The following INSIG2 variants were observed in gnomAD, a reference collection of about 807,000 sequenced individuals.
INSIG2 encodes insulin-induced gene 2 protein.
INSIG2 carries 10 observed loss-of-function variants against 27.2 expected under a neutral mutation model. The ratio of observed to expected loss-of-function variants is 0.37; its 90% CI spans 0.23 to 0.62. The LOEUF (loss-of-function observed/expected upper bound fraction) is 0.62, where lower values mean the gene tolerates loss of function less well. Among genes scored for constraint, INSIG2 ranks in the 20% least tolerant of loss-of-function variants. The pLI, the probability that INSIG2 is intolerant of heterozygous loss-of-function variation, is 0.65. For synonymous variants in INSIG2, 97 were observed against 95.8 expected, an observed-to-expected ratio of 1.01 and a Z score of -0.07; for missense variants, 178 against 270.2, an observed-to-expected ratio of 0.66 and a Z score of 2.39.
rs1254277592 is a variant in INSIG2 at position 118,108,348 on chromosome 2, A to C, written c.*26A>C. On this transcript the variant is annotated 3_prime_UTR_variant, in exon 6 of 6. Transcript: ENST00000245787. ...AGAAGGCAAAAAATATCTTTTGTAC[A>C]GAAAAGCAAGATGAAAAGGATGTGA... 6 of 1,557,868 alleles carry C rather than the reference A, an allele frequency of 3.9e-6. No individual in the cohort carries two copies. Among genetic ancestry groups the C allele is most frequent in the Admixed American group, 3.6e-5 (2 of 56,182 alleles).
intron 3 of INSIG2, among the ~76,000 whole-genome samples, chr2:118,104,944 T>TA (rs1371640022): frequency 1.3e-4 from 20 of 152,258 alleles, no homozygotes; most frequent in African/African-American, 4.8e-4. Flanking sequence ...CAATCTTAGA[T>TA]ATCCTGTTGT....
intron 2 of INSIG2, among the ~76,000 whole-genome samples, chr2:118,097,130 C>T (rs1354643669): frequency 6.6e-6 from 1 of 151,462 alleles, no homozygotes; most frequent in African/African-American, 2.4e-5. Flanking sequence ...TTCTAGAATG[C>T]AATATAAATG....
chr2:118,105,671 G>A lies in INSIG2; in HGVS notation c.370-1066G>A, dbSNP rs547123972. Among the ~76,000 whole-genome samples the A allele has an allele frequency of 5.9e-5, 9 of 152,308 alleles. No homozygotes were observed. The South Asian group carries it at 1.5e-3, about 25-fold the overall frequency. On this transcript the variant is annotated intron_variant, in intron 3 of 5. Transcript: ENST00000245787. ...AGATTCTGAGAAATAAGCAAGCTGG[G>A]TGTTTAGGATACTTGCTTGGTAGGG...
chr2:118,101,461 T>C (rs1678542767), intron 2 of INSIG2, among the ~76,000 whole-genome samples: 2 of 152,210 alleles, frequency 1.3e-5, no homozygotes, highest in African/African-American at 4.8e-5. Context: ...TACATGTCAG[T>C]ATTCTCTATG....
At chr2:118,092,066 T>G (rs1225645824) in intron 1 of INSIG2, among the ~76,000 whole-genome samples, 1 of 152,208 alleles carries the variant, frequency 6.6e-6, no homozygotes, top group Admixed American at 6.5e-5. Flanking sequence ...ATGACTGAAA[T>G]AGCTTTTTTA....
At chr2:118,092,769 G>T (rs1678285106) in intron 1 of INSIG2, among the ~76,000 whole-genome samples, 1 of 152,014 alleles carries the variant, frequency 6.6e-6, no homozygotes, top group African/African-American at 2.4e-5. Context: ...CAGGGAGTAG[G>T]CCTTCCATAA....
At chr2:118,106,113 C>T (rs1362723289) in intron 3 of INSIG2, among the ~76,000 whole-genome samples, 1 of 152,178 alleles carries the variant, frequency 6.6e-6, no homozygotes, top group Non-Finnish European at 1.5e-5. Flanking sequence ...AGATAATGTT[C>T]ACTTCAAGGC....
chr2:118,096,672 G>A lies in INSIG2; in HGVS notation c.116G>A (p.Gly39Glu). Residue 39 changes from glycine to glutamate, a missense_variant, in exon 2 of 6, where the codon GGA becomes GAA. Gly to Glu is a moderately conservative substitution (Grantham distance 98, BLOSUM62 -2). Coordinates refer to ENST00000245787, the MANE Select transcript of INSIG2 (RefSeq NM_016133.4). ...MIRGVVLFFI[G>E]VFLALVLNLL... ...CGAGGAGTAGTGCTATTTTTTATTG[G>A]AGTATTTCTTGCATTAGTGTTAAAT... 1 of 1,614,048 alleles carries A rather than the reference G, an allele frequency of 6.2e-7. No homozygotes were observed.
chr2:118,098,454 C>T (rs1678463133), intron 2 of INSIG2, among the ~76,000 whole-genome samples: 2 of 152,104 alleles, frequency 1.3e-5, no homozygotes, highest in African/African-American at 4.8e-5. Context: ...GGTCCCAGAG[C>T]CAGTGAGTGG....
chr2:118,097,033 T>C (rs1348196121), intron 2 of INSIG2, among the ~76,000 whole-genome samples: 1 of 152,140 alleles, frequency 6.6e-6, no homozygotes, highest in African/African-American at 2.4e-5. Flanking sequence ...CTCCAGAGTC[T>C]CTCGTGTCCT....
At chr2:118,103,093 T>G in intron 2 of INSIG2, 104 bp from the exon 3 acceptor site, 1 of 1,003,328 alleles carries the variant, frequency 1.0e-6, no homozygotes, top group Non-Finnish European at 1.4e-6. Context: ...TTTTTTTTTT[T>G]AAGAATCTTT....
rs543975720 is a variant in INSIG2, at chr2:118,098,442, A to C, written c.244+1642A>C. ...ATGAAGAAAGAAAACCAGTGAGCCC[A>C]GGGTCCCAGAGCCAGTGAGTGGTGT... On this transcript the variant is annotated intron_variant, in intron 2 of 5. Transcript: ENST00000245787. Among the ~76,000 whole-genome samples the C allele has an allele frequency of 2.2e-4, 33 of 152,330 alleles. No homozygotes were observed. The South Asian group carries it at 2.5e-3, about 11-fold the overall frequency.
At chr2:118,093,039 G>A (rs1678298149) in intron 1 of INSIG2, among the ~76,000 whole-genome samples, 2 of 137,614 alleles carry the variant, frequency 1.5e-5, no homozygotes, top group Admixed American at 7.3e-5. Context: ...AGGAGGAGGA[G>A]GAGAGTTCTG....
Position 118,106,868 on chromosome 2 carries a change from G to C in INSIG2, c.501G>C (p.Val167=), listed in dbSNP as rs1250014669. 1 of 1,613,966 alleles carries C rather than the reference G, an allele frequency of 6.2e-7. No individual in the cohort carries two copies. The highest frequency in any genetic ancestry group is 1.7e-5 in the Admixed American group (1 of 60,018). ...TAGGAATTGCCTTCTTGGCAACTGT[G>C]GTCACTCAACTGCTAGTATATAATG... ...LGVGIAFLAT[V]VTQLLVYNGV... Residue 167 remains valine, a synonymous_variant, in exon 4 of 6, where the codon GTG becomes GTC. Coordinates refer to ENST00000245787, the MANE Select transcript of INSIG2 (RefSeq NM_016133.4).
intron 1 of INSIG2, among the ~76,000 whole-genome samples, chr2:118,093,640 T>C (rs111753359): frequency 1.0e-4 from 7 of 69,714 alleles, no homozygotes; most frequent in South Asian, 6.5e-4. Context: ...TGAACCTTGC[T>C]AAAAGCAACC....
intron 2 of INSIG2, among the ~76,000 whole-genome samples, chr2:118,097,110 T>C (rs1678426408): frequency 6.6e-6 from 1 of 152,190 alleles, no homozygotes; most frequent in Non-Finnish European, 1.5e-5. Context: ...CCATAAATTA[T>C]TTATCTCTGT....
At chr2:118,094,809 T>C (rs1678369187) in intron 1 of INSIG2, among the ~76,000 whole-genome samples, 1 of 152,226 alleles carries the variant, frequency 6.6e-6, no homozygotes, top group African/African-American at 2.4e-5. Context: ...AGCCCCATTC[T>C]CTGCGGTTTA....
rs1349207883 is a variant in INSIG2, at chr2:118,109,190, T to C, written c.*868T>C. The C allele has an allele frequency of 1.3e-5, 2 of 152,224 alleles. No individual in the cohort carries two copies. The highest frequency in any genetic ancestry group is 2.9e-5 in the Non-Finnish European group (2 of 68,030). The allele number at this position is 152,224 out of a possible 1,614,324, so 9.4% of individuals were successfully genotyped here. On this transcript the variant is annotated 3_prime_UTR_variant, in exon 6 of 6. Coordinates refer to ENST00000245787, the MANE Select transcript of INSIG2 (RefSeq NM_016133.4). ...CATCTGCAATACAGAATCTCATTGC[T>C]TTTGCACATGGAGCATATAGGAAAC...
intron 5 of INSIG2, among the ~76,000 whole-genome samples, chr2:118,107,891 TCAC>T (rs976471724): frequency 2.0e-5 from 3 of 152,180 alleles, no homozygotes; most frequent in Non-Finnish European, 4.4e-5. Flanking sequence ...TGATCTGAGT[TCAC>T]CACAACAGCC....
Sources: allele counts gnomAD v4.1 joint callset (sites outside exome capture counted in the v4.1 genomes callset), GRCh38; gene constraint gnomAD v4.1.1; transcripts MANE v1.5; gene names NCBI Gene and HGNC (gene_info 2026-07-23, HGNC 2026-07-21).